The following TMEM164 variants were observed in gnomAD, a reference collection of about 807,000 sequenced individuals.
The protein encoded by TMEM164 is RP13-360B22.2.
A neutral mutation model predicts 18.8 loss-of-function variants in TMEM164; 4 were observed. The observed-to-expected ratio is 0.21, with a 90% CI of 0.10 to 0.49. The LOEUF is 0.49. Ranked by LOEUF, TMEM164 falls within the 20% of genes least tolerant of loss-of-function variation. The pLI, the probability that TMEM164 is intolerant of heterozygous loss-of-function variation, is 0.98. For missense variants in TMEM164, 108 were observed against 239.9 expected (o/e 0.45, Z 3.63); for synonymous variants, 86 against 101.7 (o/e 0.85, Z 0.93).
intron 3 of TMEM164, among the ~76,000 whole-genome samples, chrX:110,076,792 A>AT (rs1474456666): frequency 8.9e-6 from 1 of 111,964 alleles, no homozygotes; most frequent in African/African-American, 3.2e-5. Flanking sequence ...ATTGATTTCT[A>AT]TTTTTATTCC....
intron 4 of TMEM164, among the ~76,000 whole-genome samples, chrX:110,129,573 A>C (rs1056351628): frequency 8.9e-6 from 1 of 112,916 alleles, no homozygotes; most frequent in Admixed American, 9.3e-5. Context: ...AGATTGAAAA[A>C]TAAAACAATT....
At chrX:110,107,969 A>G (rs903736642) in intron 3 of TMEM164, among the ~76,000 whole-genome samples, 1 of 110,461 alleles carries the variant, frequency 9.1e-6, no homozygotes, top group African/African-American at 3.3e-5. Flanking sequence ...CACATCTCTT[A>G]GCGTTACAAA....
intron 4 of TMEM164, among the ~76,000 whole-genome samples, chrX:110,118,294 T>G (rs994525357): frequency 1.8e-5 from 2 of 112,159 alleles, no homozygotes; most frequent in African/African-American, 3.2e-5. Flanking sequence ...CATCCATAGT[T>G]TGGTTGGACT....
At chrX:110,055,057 G>T (rs150635391) in intron 2 of TMEM164, among the ~76,000 whole-genome samples, 1,179 of 111,487 alleles carry the variant, frequency 0.011, 10 homozygotes, top group African/African-American at 0.035. Flanking sequence ...TTGCATGTCT[G>T]TCATAGCTTT....
chrX:110,067,154 G>GTGCA (rs371143281), intron 2 of TMEM164, among the ~76,000 whole-genome samples, 193 bp from the exon 3 acceptor site: 46 of 101,643 alleles, frequency 4.5e-4, no homozygotes, highest in Admixed American at 1.4e-3. Flanking sequence ...TCATGTGTGC[G>GTGCA]CACACACACA....
chrX:110,015,131 A>G (rs1415105620), intron 2 of TMEM164, among the ~76,000 whole-genome samples: 1 of 112,135 alleles, frequency 8.9e-6, no homozygotes, highest in Non-Finnish European at 1.9e-5. Flanking sequence ...CTAAGCCACC[A>G]ATCACTAGAG....
chrX:110,141,498 A>T (rs1178745525), intron 4 of TMEM164, among the ~76,000 whole-genome samples: 1 of 111,987 alleles, frequency 8.9e-6, no homozygotes, highest in African/African-American at 3.3e-5. Flanking sequence ...GGCAGGCAAG[A>T]GAGAATGAGA....
intron 5 of TMEM164, among the ~76,000 whole-genome samples, chrX:110,158,788 G>A (rs903154807): frequency 1.8e-5 from 2 of 111,884 alleles, no homozygotes; most frequent in Non-Finnish European, 3.8e-5. Context: ...AGATGTGCAC[G>A]ACGAAATACA....
At chrX:110,046,186 G>A (rs1170170603) in intron 2 of TMEM164, 2 of 753,212 alleles carry the variant, frequency 2.7e-6, no homozygotes, top group Admixed American at 8.7e-5. Context: ...CAAGCTCAGT[G>A]CTGACGTTAT....
At chrX:110,091,394 G>A (rs2065926600) in intron 3 of TMEM164, among the ~76,000 whole-genome samples, 3 of 111,687 alleles carry the variant, frequency 2.7e-5, no homozygotes, top group Admixed American at 9.5e-5. Context: ...TTTAATGATC[G>A]CCATTCTAAC....
intron 2 of TMEM164, among the ~76,000 whole-genome samples, chrX:110,034,439 G>C (rs192354186): frequency 3.6e-5 from 4 of 112,557 alleles, no homozygotes; most frequent in Admixed American, 9.4e-5. Context: ...AAATGTTTTA[G>C]GCTTTGTGAA....
At chrX:110,064,980 G>A (rs1321268053) in intron 2 of TMEM164, 2 of 71,851 alleles carry the variant, frequency 2.8e-5, no homozygotes, top group Non-Finnish European at 4.9e-5. Flanking sequence ...CTGGATAACA[G>A]AGTGAGACTT....
intron 3 of TMEM164, among the ~76,000 whole-genome samples, chrX:110,105,764 A>AAT (rs2066191025): frequency 1.9e-5 from 2 of 102,693 alleles, no homozygotes; most frequent in African/African-American, 7.4e-5. Context: ...AGAGAGAGAG[A>AAT]GAGAGAGAGA....
rs2067145234 is a variant in TMEM164, at chrX:110,165,288, G to A, written c.587-6132G>A. ...GCTGAGTATATGAAATGTGGCTGAT[G>A]TGACTGAGGAACCAAAGTTTTAATT... On this transcript the variant is annotated intron_variant, in intron 5 of 6. Transcript: ENST00000372068. Among the ~76,000 whole-genome samples the A allele has an allele frequency of 2.7e-5, 3 of 112,968 alleles. No individual in the cohort carries two copies. In the South Asian group the frequency reaches 1.1e-3, roughly 41 times the overall value.
intron 2 of TMEM164, among the ~76,000 whole-genome samples, chrX:110,052,754 T>TG (rs1296980438): frequency 5.2e-5 from 5 of 96,954 alleles, no homozygotes; most frequent in Non-Finnish European, 1.1e-4. Flanking sequence ...TGTTTTTTTT[T>TG]TTTTTTTTTT....
intron 3 of TMEM164, among the ~76,000 whole-genome samples, chrX:110,068,941 C>A (rs1197757835): frequency 9.0e-6 from 1 of 111,691 alleles, no homozygotes; most frequent in Non-Finnish European, 1.9e-5. Flanking sequence ...TTTCATTCTA[C>A]AATATCTCAT....
intron 3 of TMEM164, among the ~76,000 whole-genome samples, chrX:110,104,369 T>C (rs1334778161): frequency 1.8e-5 from 2 of 111,806 alleles, no homozygotes; most frequent in Non-Finnish European, 3.8e-5. Context: ...CTTTCTCCAG[T>C]AAATGGTTGA....
intron 4 of TMEM164, among the ~76,000 whole-genome samples, chrX:110,117,353 T>G (rs1462563274): frequency 8.9e-6 from 1 of 112,850 alleles, no homozygotes; most frequent in Non-Finnish European, 1.9e-5. Context: ...CAGTATCGAT[T>G]AGCAATTTGG....
intron 5 of TMEM164, among the ~76,000 whole-genome samples, chrX:110,164,775 G>A (rs1043886743): frequency 9.0e-6 from 1 of 111,325 alleles, no homozygotes; most frequent in African/African-American, 3.3e-5. Flanking sequence ...TTAGTGAGAA[G>A]GGAGGGCCAC....
Sources: allele counts gnomAD v4.1 joint callset (sites outside exome capture counted in the v4.1 genomes callset), GRCh38; gene constraint gnomAD v4.1.1; transcripts MANE v1.5; gene names NCBI Gene and HGNC (gene_info 2026-07-23, HGNC 2026-07-21).